The following RCC2 variants were observed in gnomAD, a reference collection of about 807,000 sequenced individuals.
RCC2 encodes the protein regulator of chromosome condensation 2.
RCC2 carries 19 observed loss-of-function variants against 64.1 expected under a neutral mutation model. The observed-to-expected ratio is 0.30, with a 90% confidence interval of 0.21 to 0.44. The LOEUF (loss-of-function observed/expected upper bound fraction) is 0.44. Ranked by LOEUF, RCC2 falls within the 20% of genes least tolerant of loss-of-function variation. The probability of loss-of-function intolerance (pLI) is 1.00; values close to 1 mark genes in which losing one functional copy is unlikely to be tolerated. For synonymous variants in RCC2, 325 were observed against 279.6 expected (o/e 1.16, Z -1.62); for missense variants, 508 against 710.4 (o/e 0.72, Z 3.24).
chr1:17,430,443 A>G (rs991593204), intron 2 of RCC2, among the ~76,000 whole-genome samples: 3 of 148,986 alleles, frequency 2.0e-5, no homozygotes, highest in Admixed American at 6.8e-5. Context: ...GTGAGCCAAG[A>G]TCACACCTGC....
At chr1:17,418,909 A>G (rs2075520525) in intron 7 of RCC2, among the ~76,000 whole-genome samples, 1 of 152,176 alleles carries the variant, frequency 6.6e-6, no homozygotes, top group Non-Finnish European at 1.5e-5. Flanking sequence ...CAGACAGGAG[A>G]GGAGGCACAT....
intron 4 of RCC2, 62 bp downstream of exon 4, chr1:17,425,479 G>A (rs1022977135): frequency 1.3e-5 from 19 of 1,473,032 alleles, no homozygotes; most frequent in African/African-American, 1.3e-4. Context: ...ACAGAAGAAC[G>A]TGCTGTGTGG....
chr1:17,412,048 T>C, intron 11 of RCC2, 74 bp downstream of exon 11: 1 of 1,309,052 alleles, frequency 7.6e-7, no homozygotes, highest in Non-Finnish European at 1.1e-6. Context: ...GGGAGACAGG[T>C]GGAGAGAACC....
chr1:17,419,805 G>A (rs1044073386), intron 7 of RCC2, among the ~76,000 whole-genome samples: 15 of 152,302 alleles, frequency 9.8e-5, no homozygotes, highest in African/African-American at 3.6e-4. Flanking sequence ...CAGGGCTGTG[G>A]CCATGGAAAC....
chr1:17,409,296 G>T lies in RCC2; in HGVS notation c.1465-102C>A, dbSNP rs1357109434. 2.8e-5 allele frequency: 21 copies of T among 762,814 alleles called. No individual in the cohort carries two copies. In the East Asian group the frequency reaches 5.1e-4, roughly 19 times the overall value. The allele number at this position is 762,814 out of a possible 1,614,324, so 47.3% of individuals were successfully genotyped here. ...GGCTGCTAAAGCGGGTCAGCATGGAGAAAAACAGAGTGCCCTTGAAAACTG... is the reference window on the plus strand; with the variant it reads ...GGCTGCTAAAGCGGGTCAGCATGGATAAAAACAGAGTGCCCTTGAAAACTG... On this transcript the variant is annotated intron_variant, in intron 12 of 12. Coordinates refer to ENST00000375436, the MANE Select transcript of RCC2 (RefSeq NM_018715.4).
rs2075546964 is a variant in RCC2, at chr1:17,420,733, G to A, written c.840C>T (p.Cys280=). The A allele has an allele frequency of 1.2e-6, 2 of 1,602,304 alleles. No homozygotes were observed. Among genetic ancestry groups the A allele is most frequent in the South Asian group, 1.1e-5 (1 of 88,524 alleles). ...DCKGNLYSFG[C]PEYGQLGHNS... is the part of the protein sequence containing the mutation. ...CCATACCCAGCTGACCATATTCAGG[G>A]CACCCAAAGGAATAGAGGTTTCCTT... The change falls in exon 7 of 13, where the codon TGC becomes TGT. Residue 280 remains cysteine, a synonymous_variant. Coordinates refer to ENST00000375436, the MANE Select transcript of RCC2 (RefSeq NM_018715.4).
rs572969082 is a variant in RCC2, at chr1:17,425,782, G to C, written c.380-98C>G. The C allele has an allele frequency of 2.4e-5, 31 of 1,313,322 alleles. No homozygotes were observed. In the South Asian group the frequency reaches 3.5e-4, roughly 15 times the overall value. The allele number at this position is 1,313,322 out of a possible 1,614,324, so 81.4% of individuals were successfully genotyped here. On this transcript the variant is annotated intron_variant, in intron 3 of 12. Transcript: ENST00000375436. ...AAGCAGCCACTTCCCGAGGGTACCA[G>C]GGACAGGTGTTCCTCGGGTGCCACC...
At chr1:17,433,549 C>T (rs534343284) in intron 2 of RCC2, among the ~76,000 whole-genome samples, 4 of 152,290 alleles carry the variant, frequency 2.6e-5, no homozygotes, top group Admixed American at 2.6e-4. Context: ...TGTCTGCGAC[C>T]CTGCTTGTGT....
At chr1:17,434,041 T>C (rs1432281995) in intron 2 of RCC2, among the ~76,000 whole-genome samples, 1 of 152,336 alleles carries the variant, frequency 6.6e-6, no homozygotes, top group Middle Eastern at 3.4e-3. Flanking sequence ...ACCTGTTTTG[T>C]AGGATCTGGC....
chr1:17,439,128 G>T (rs966320239), intron 1 of RCC2, among the ~76,000 whole-genome samples: 60 of 152,260 alleles, frequency 3.9e-4, no homozygotes, highest in South Asian at 1.0e-3. Flanking sequence ...ACTGCCCCCG[G>T]CGACGGGGGA....
At chr1:17,418,674 C>T (rs762830529) in intron 7 of RCC2, among the ~76,000 whole-genome samples, 2 of 152,060 alleles carry the variant, frequency 1.3e-5, no homozygotes, top group Non-Finnish European at 2.9e-5. Flanking sequence ...CAATAAAAGT[C>T]TGAGGGTCCC....
chr1:17,431,333 C>CA (rs1168877538), intron 2 of RCC2, among the ~76,000 whole-genome samples: 316 of 9,550 alleles, frequency 0.033, 42 homozygotes, highest in African/African-American at 0.045. Flanking sequence ...GACTCCATCT[C>CA]AAAAAAAAAA....
At chr1:17,409,487 AT>A (rs1479894697) in intron 12 of RCC2, among the ~76,000 whole-genome samples, 4 of 152,048 alleles carry the variant, frequency 2.6e-5, no homozygotes, top group Non-Finnish European at 4.4e-5. Context: ...CTCCACTTCC[AT>A]CCCCCCCCTC....
At chr1:17,430,878 A>C (rs888172774) in intron 2 of RCC2, among the ~76,000 whole-genome samples, 1 of 151,754 alleles carries the variant, frequency 6.6e-6, no homozygotes, top group Non-Finnish European at 1.5e-5. Context: ...ACAGACACTC[A>C]GCTAATTTTG....
At chr1:17,435,358 T>C (rs962420603) in intron 2 of RCC2, among the ~76,000 whole-genome samples, 2 of 152,238 alleles carry the variant, frequency 1.3e-5, no homozygotes, top group African/African-American at 4.8e-5. Context: ...GGACATTTCC[T>C]GGGCGGCTGC....
intron 2 of RCC2, among the ~76,000 whole-genome samples, chr1:17,436,260 G>A (rs1366958347): frequency 6.6e-6 from 1 of 152,136 alleles, no homozygotes; most frequent in African/African-American, 2.4e-5. Flanking sequence ...CAGCACTTTG[G>A]AAGGAGGCTG....
At chr1:17,431,137 C>T (rs1006755700) in intron 2 of RCC2, among the ~76,000 whole-genome samples, 1 of 150,088 alleles carries the variant, frequency 6.7e-6, no homozygotes, top group Non-Finnish European at 1.5e-5. Flanking sequence ...TAGAGACCAT[C>T]CTGGCTAGCA....
At chr1:17,431,441 C>T (rs7549366) in intron 2 of RCC2, among the ~76,000 whole-genome samples, 17,053 of 94,528 alleles carry the variant, frequency 0.18, 1,899 homozygotes, top group Middle Eastern at 0.38. Flanking sequence ...CTGAAGCAGG[C>T]GGATCACCTG....
At chr1:17,425,347 A>AG (rs953405746) in intron 4 of RCC2, among the ~76,000 whole-genome samples, 194 bp downstream of exon 4, 15 of 152,254 alleles carry the variant, frequency 9.9e-5, no homozygotes, top group African/African-American at 1.2e-4. Flanking sequence ...AAAAAATGTC[A>AG]GGGGGGAAGG....
Sources: allele counts gnomAD v4.1 joint callset (sites outside exome capture counted in the v4.1 genomes callset), GRCh38; gene constraint gnomAD v4.1.1; transcripts MANE v1.5; gene names NCBI Gene and HGNC (gene_info 2026-07-23, HGNC 2026-07-21).